The following RINL variants were observed in gnomAD, a reference collection of about 807,000 sequenced individuals.
RINL encodes the protein ras and Rab interactor-like protein.
In RINL, 39 loss-of-function variants were observed where a neutral mutation model predicts 58.1. That is an observed-to-expected ratio of 0.67 (90% CI 0.52 to 0.88). The LOEUF (loss-of-function observed/expected upper bound fraction) is 0.88. Among genes scored for constraint, RINL ranks in the 40% least tolerant of loss-of-function variants. The pLI, the probability that RINL is intolerant of heterozygous loss-of-function variation, is 0.00. For synonymous variants in RINL, 286 were observed against 323.1 expected (o/e 0.89, Z 1.23); for missense variants, 711 against 749.2 (o/e 0.95, Z 0.60).
Position 38,876,683 on chromosome 19 carries a change from G to A in RINL, c.50+10C>T. On this transcript the variant is annotated intron_variant, in intron 2 of 11. Transcript: ENST00000591812. Reference sequence around the variant, plus strand: ...GAAGGAGGGCATAGCCTCAGCCCTAGTAGCCTCACCTCACCCCCTCTGTGG... The same window carrying A: ...GAAGGAGGGCATAGCCTCAGCCCTAATAGCCTCACCTCACCCCCTCTGTGG... 6.5e-7 allele frequency: 1 copy of A among 1,535,612 alleles called. No individual in the cohort carries two copies. The highest frequency in any genetic ancestry group is 8.7e-7 in the Non-Finnish European group (1 of 1,146,430).
At position 38,870,239 on chromosome 19, in the gene RINL, ACC is replaced by A; in HGVS notation, c.1044_1045del (p.Cys350ProfsTer137). 7.2e-7 allele frequency: 1 copy of A among 1,383,020 alleles called. No individual in the cohort carries two copies. Among genetic ancestry groups the A allele is most frequent in the South Asian group, 1.6e-5 (1 of 60,968 alleles). 85.7% of individuals were successfully genotyped at this position (1,383,020 alleles called of 1,614,324 possible). Reference sequence around the variant, plus strand: ...CAGGGGCGCCAGCACCGCCTGGCACACCGCCGTCTCCAGCGCGGGGCCTGCGG... The same window carrying A: ...CAGGGGCGCCAGCACCGCCTGGCACAGCCGTCTCCAGCGCGGGGCCTGCGG... On this transcript the variant is annotated frameshift_variant, in exon 9 of 12. Coordinates refer to ENST00000591812, the MANE Select transcript of RINL (RefSeq NM_001195833.2). LOFTEE classifies it high-confidence loss of function. This position sits in a 1 kb window ranked among gnomAD's most constrained non-coding sequence, Gnocchi z 5.8.
intron 6 of RINL, 86 bp downstream of exon 6, chr19:38,871,560 TA>T (rs1224815407): frequency 2.4e-6 from 3 of 1,231,914 alleles, no homozygotes; most frequent in Non-Finnish European, 3.5e-6. Context: ...TCAAACCCAG[TA>T]GTCTGGGCCC....
chr19:38,870,636 C>A lies in RINL; in HGVS notation c.958G>T (p.Asp320Tyr). ...LTDLQDHLAK[D>Y]SYIRAVFGSR... ...CCAAAGACAGCCCTGATGTAGGAGT[C>A]CTTTGCCAGGTGATCCTGGAGGTCA... Residue 320 changes from aspartate (D) to tyrosine (Y), a missense_variant, in exon 8 of 12, where the codon GAC (aspartate) becomes TAC (tyrosine). Transcript: ENST00000591812. The surrounding 1 kb of genome is among the most constrained non-coding windows in gnomAD (Gnocchi z 5.8). 6.2e-7 allele frequency: 1 copy of A among 1,613,074 alleles called. No homozygotes were observed. Among genetic ancestry groups the A allele is most frequent in the Non-Finnish European group, 8.5e-7 (1 of 1,179,510 alleles).
chr19:38,871,557 CA>C, intron 6 of RINL, 89 bp downstream of exon 6: 11 of 1,220,118 alleles, frequency 9.0e-6, no homozygotes, highest in Non-Finnish European at 1.3e-5. Flanking sequence ...TCCTCAAACC[CA>C]GTAGTCTGGG....
rs77414715 is a variant in RINL at position 38,868,970 on chromosome 19, T to G, written c.*134A>C. The G allele has an allele frequency of 0.013, 10,376 of 789,570 alleles. 555 individuals carry two copies. In the African/African-American group the frequency reaches 0.15, roughly 12 times the overall value. The allele number at this position is 789,570 out of a possible 1,614,324, so 48.9% of individuals were successfully genotyped here. A position where few individuals can be genotyped will look rare whatever the true frequency, so the allele number is the denominator to read the frequency against. On this transcript the variant is annotated 3_prime_UTR_variant, in exon 12 of 12. Coordinates refer to ENST00000591812, the MANE Select transcript of RINL (RefSeq NM_001195833.2). Reference sequence around the variant, plus strand: ...CACCACGCCCGGCTAATTTTTGTTTTTTTTTTTTTTTGGTAGATGGGGGTC... The same window carrying G: ...CACCACGCCCGGCTAATTTTTGTTTGTTTTTTTTTTTGGTAGATGGGGGTC...
intron 3 of RINL, 22 bp downstream of exon 3, chr19:38,876,309 G>A (rs1428269782): frequency 3.3e-6 from 5 of 1,530,084 alleles, no homozygotes; most frequent in Non-Finnish European, 4.4e-6. Context: ...GTCAGGATGG[G>A]CCCCCAGCTG....
intron 3 of RINL, among the ~76,000 whole-genome samples, chr19:38,874,764 T>G (rs781477129): frequency 3.3e-5 from 5 of 152,170 alleles, no homozygotes; most frequent in Non-Finnish European, 7.3e-5. Flanking sequence ...GCCATGAGTA[T>G]GATTGATATA....
chr19:38,877,045 T>G (rs529216036), intron 1 of RINL, among the ~76,000 whole-genome samples: 1 of 152,274 alleles, frequency 6.6e-6, no homozygotes, highest in South Asian at 2.1e-4. Context: ...TCCCGAGTAG[T>G]TGGGATTACA....
Position 38,871,792 on chromosome 19 carries a change from C to T in RINL, c.386+6G>A, listed in dbSNP as rs768329480. The T allele has an allele frequency of 1.5e-5, 24 of 1,613,966 alleles. No individual in the cohort carries two copies. The highest frequency in any genetic ancestry group is 1.8e-5 in the Non-Finnish European group (21 of 1,179,938). ...CCCCTTAGTGCCTCAGATGGGTGAC[C>T]TGTACCTGCTGGCTGATAGAAAGGC... On this transcript the variant is annotated splice_donor_region_variant and intron_variant, in intron 5 of 11. Transcript: ENST00000591812.
Position 38,870,250 on chromosome 19 carries a change from C to T in RINL, c.1035G>A (p.Leu345=). 2 of 1,384,222 alleles carry T rather than the reference C, an allele frequency of 1.4e-6. No homozygotes were observed. The highest frequency in any genetic ancestry group is 1.9e-6 in the Non-Finnish European group (2 of 1,076,874). The allele number at this position is 1,384,222 out of a possible 1,614,324, so 85.7% of individuals were successfully genotyped here. A position where few individuals can be genotyped will look rare whatever the true frequency, so the allele number is the denominator to read the frequency against. The change falls in exon 9 of 12, where the codon CTG becomes CTA. Residue 345 remains leucine, a synonymous_variant. Transcript: ENST00000591812. The surrounding 1 kb of genome is among the most constrained non-coding windows in gnomAD (Gnocchi z 5.8). ...PKKDEDPGPA[L]ETAVCQAVLA... is the part of the protein sequence containing the mutation. The stretch of plus-strand genomic sequence containing the variant: ...GCACCGCCTGGCACACCGCCGTCTC[C>T]AGCGCGGGGCCTGCGGGGTGTGGGG...
rs1049752303 is a variant in RINL, at chr19:38,868,261, A to C, written c.*843T>G. The C allele has an allele frequency of 2.6e-5, 4 of 152,038 alleles. No individual in the cohort carries two copies. The highest frequency in any genetic ancestry group is 2.6e-4 in the Admixed American group (4 of 15,266). 9.4% of individuals were successfully genotyped at this position (152,038 alleles called of 1,614,324 possible). ...CACCCGGCCTCACTTGTTTCTTTTT[A>C]GTTTTTTAAATTGTAGTTACTATGA... On this transcript the variant is annotated 3_prime_UTR_variant, in exon 12 of 12. Transcript: ENST00000591812.
intron 6 of RINL, 128 bp from the exon 7 acceptor site, chr19:38,871,355 C>G: frequency 9.5e-7 from 1 of 1,049,650 alleles, no homozygotes; most frequent in Non-Finnish European, 1.4e-6. Context: ...CCTGGCCCCT[C>G]CTCAGTCAGA....
At chr19:38,872,220 T>G (rs954857825) in intron 4 of RINL, among the ~76,000 whole-genome samples, 6 of 152,152 alleles carry the variant, frequency 3.9e-5, no homozygotes, top group African/African-American at 1.4e-4. Context: ...GTACGGTGGC[T>G]CACGCCTGTA....
intron 4 of RINL, among the ~76,000 whole-genome samples, chr19:38,872,821 A>G (rs1972842556): frequency 6.6e-6 from 1 of 152,210 alleles, no homozygotes; most frequent in Admixed American, 6.5e-5. Flanking sequence ...TGACACCTGT[A>G]TACCTATGTA....
At chr19:38,873,295 T>C (rs561128106) in intron 4 of RINL, among the ~76,000 whole-genome samples, 34 of 151,130 alleles carry the variant, frequency 2.2e-4, no homozygotes, top group African/African-American at 8.0e-4. Context: ...TGAGGGGCAA[T>C]AGATAGAGAG....
At chr19:38,871,301 G>A (rs765116837) in intron 6 of RINL, 74 bp from the exon 7 acceptor site, 273 of 1,530,148 alleles carry the variant, frequency 1.8e-4, no homozygotes, top group Middle Eastern at 8.7e-4. Context: ...GGCGCCAGGA[G>A]ACTTACTTCC....
Position 38,870,185 on chromosome 19 carries a change from G to C in RINL, c.1100C>G (p.Thr367Arg). 1.4e-6 allele frequency: 2 copies of C among 1,401,094 alleles called. No individual in the cohort carries two copies. The highest frequency in any genetic ancestry group is 1.8e-6 in the Non-Finnish European group (2 of 1,087,024). 86.8% of individuals were successfully genotyped at this position (1,401,094 alleles called of 1,614,324 possible). The change falls in exon 9 of 12, where the codon ACA (threonine) becomes AGA (arginine). Residue 367 changes from threonine (T) to arginine (R), a missense_variant. Physicochemically the swap from Thr to Arg is moderately conservative, Grantham distance 71 (BLOSUM62 -1). Transcript: ENST00000591812. The surrounding 1 kb of genome is among the most constrained non-coding windows in gnomAD (Gnocchi z 5.8). ...CCGCCGCAGCTCCGGTGCTCGGAGT[G>C]TGCGGAGTCGTGTCCACAGGGCCGG... ...LKPALWTRLR[T>R]LRAPELRRLR...
intron 3 of RINL, among the ~76,000 whole-genome samples, chr19:38,874,778 A>C (rs1386570738): frequency 6.6e-6 from 1 of 152,136 alleles, no homozygotes; most frequent in African/African-American, 2.4e-5. Flanking sequence ...TGATATATGG[A>C]TCATGATTGA....
chr19:38,869,960 G>C lies in RINL; in HGVS notation c.1325C>G (p.Ala442Gly), dbSNP rs1972762632. The change falls in exon 9 of 12, where the codon GCT becomes GGT. Residue 442 changes from alanine to glycine, a missense_variant. Physicochemically the swap from Ala to Gly is moderately conservative, Grantham distance 60. Coordinates refer to ENST00000591812, the MANE Select transcript of RINL (RefSeq NM_001195833.2). This position sits in a 1 kb window ranked among gnomAD's most constrained non-coding sequence, Gnocchi z 5.7. ...EVCRDVYAGLARGENQDPLGA... is the reference protein window; with the variant it reads ...EVCRDVYAGLGRGENQDPLGA... ...TCCCTTACCTTGGTTCTCGCCTCGAGCCAGGCCCGCATAGACATCTCTGCA... is the reference window on the plus strand; with the variant it reads ...TCCCTTACCTTGGTTCTCGCCTCGACCCAGGCCCGCATAGACATCTCTGCA... 6.3e-7 allele frequency: 1 copy of C among 1,599,292 alleles called. No homozygotes were observed. Among genetic ancestry groups the C allele is most frequent in the African/African-American group, 1.3e-5 (1 of 74,546 alleles).
Sources: allele counts gnomAD v4.1 joint callset (sites outside exome capture counted in the v4.1 genomes callset), GRCh38; gene constraint gnomAD v4.1.1; non-coding constraint Gnocchi (gnomAD v3.1); transcripts MANE v1.5; gene names NCBI Gene and HGNC (gene_info 2026-07-23, HGNC 2026-07-21).